DTNA: variants seen among roughly 807,000 people sequenced by gnomAD.
The protein encoded by DTNA is dystrobrevin alpha.
In DTNA, 43 loss-of-function variants were observed where a neutral mutation model predicts 100.7. The observed-to-expected ratio is 0.43, with a 90% CI of 0.33 to 0.55. The LOEUF is 0.55. Among genes scored for constraint, DTNA ranks in the 20% least tolerant of loss-of-function variants. The pLI, the probability that DTNA is intolerant of heterozygous loss-of-function variation, is 0.04. For synonymous variants in DTNA, 349 were observed against 347.9 expected, an observed-to-expected ratio of 1.00 and a Z score of -0.04; for missense variants, 798 against 953.9, an observed-to-expected ratio of 0.84 and a Z score of 2.15.
chr18:34,890,912 C>T lies in DTNA; in HGVS notation c.*3178C>T, dbSNP rs536403327. Reference sequence around the variant, plus strand: ...TGATGTCTGCTTTTATTTTGATCATCTTTGTCCACCCTTATTAGTTCTTGG... The same window carrying T: ...TGATGTCTGCTTTTATTTTGATCATTTTTGTCCACCCTTATTAGTTCTTGG... On this transcript the variant is annotated 3_prime_UTR_variant, in exon 23 of 23. Coordinates refer to ENST00000444659, the MANE Select transcript of DTNA (RefSeq NM_001386795.1). The T allele has an allele frequency of 6.4e-6, 1 of 156,650 alleles. No homozygotes were observed. The highest frequency in any genetic ancestry group is 1.9e-4 in the East Asian group (1 of 5,370). The allele number at this position is 156,650 out of a possible 1,614,324, so 9.7% of individuals were successfully genotyped here.
At chr18:34,522,777 A>C (rs1277505202) in intron 1 of DTNA, among the ~76,000 whole-genome samples, 3 of 152,190 alleles carry the variant, frequency 2.0e-5, no homozygotes, top group Non-Finnish European at 4.4e-5. Flanking sequence ...CAGACCCCTA[A>C]GAAGGCTGGC....
intron 1 of DTNA, among the ~76,000 whole-genome samples, chr18:34,712,901 A>G (rs1203492566): frequency 6.6e-6 from 1 of 152,174 alleles, no homozygotes; most frequent in East Asian, 1.9e-4. Context: ...AAAATAGTAT[A>G]GCCTCTGCTA....
At chr18:34,515,548 G>A (rs1486959579) in intron 1 of DTNA, among the ~76,000 whole-genome samples, 1 of 152,058 alleles carries the variant, frequency 6.6e-6, no homozygotes, top group Non-Finnish European at 1.5e-5. Flanking sequence ...CGATTGTATT[G>A]TGGGGCATCC....
intron 1 of DTNA, among the ~76,000 whole-genome samples, chr18:34,542,766 A>G (rs1451379361): frequency 2.0e-5 from 3 of 152,108 alleles, no homozygotes; most frequent in African/African-American, 7.2e-5. Flanking sequence ...ATTTTTAAAA[A>G]TAGAAAAGGC....
intron 1 of DTNA, among the ~76,000 whole-genome samples, chr18:34,669,960 T>G (rs113563315): frequency 6.6e-6 from 1 of 152,150 alleles, no homozygotes; most frequent in African/African-American, 2.4e-5. Flanking sequence ...TTTCCTGAAT[T>G]TGAATGTTGG....
rs368868084 is a variant in DTNA at position 34,879,709 on chromosome 18, C to T, written c.2152C>T (p.Arg718Cys). Residue 718 changes from arginine (R) to cysteine (C), a missense_variant, in exon 20 of 23, where the codon CGT becomes TGT. Coordinates refer to ENST00000444659, the MANE Select transcript of DTNA (RefSeq NM_001386795.1). Reference sequence around the variant, plus strand: ...CAGTGGAGCTACCACAAGTACCATGCGTGGCGACATGTGAGTATCTTCCGC... The same window carrying T: ...CAGTGGAGCTACCACAAGTACCATGTGTGGCGACATGTGAGTATCTTCCGC... ...IHSGATTSTM[R>C]GDMVTEDADP... is the part of the protein sequence containing the mutation. The T allele has an allele frequency of 1.5e-5, 24 of 1,613,872 alleles. No individual in the cohort carries two copies. In the South Asian group the frequency reaches 1.6e-4, roughly 11 times the overall value.
intron 1 of DTNA, among the ~76,000 whole-genome samples, chr18:34,505,336 T>G (rs2040381542): frequency 6.6e-6 from 1 of 152,198 alleles, no homozygotes; most frequent in South Asian, 2.1e-4. Context: ...TGATTACATT[T>G]AGGAGCCACC....
chr18:34,508,087 C>A (rs2040674545), intron 1 of DTNA, among the ~76,000 whole-genome samples: 1 of 152,130 alleles, frequency 6.6e-6, no homozygotes, highest in Non-Finnish European at 1.5e-5. Flanking sequence ...CAGATCTACT[C>A]CATGTCTGAT....
At chr18:34,711,397 A>G (rs939443674) in intron 1 of DTNA, among the ~76,000 whole-genome samples, 3 of 152,200 alleles carry the variant, frequency 2.0e-5, no homozygotes, top group African/African-American at 7.2e-5. Context: ...CTCTAATTTT[A>G]GCCAGGGGTT....
chr18:34,881,918 T>A, intron 20 of DTNA, 151 bp from the exon 21 acceptor site: 1 of 1,027,588 alleles, frequency 9.7e-7, no homozygotes, highest in Admixed American at 2.3e-5. Context: ...GTTTCCAAGT[T>A]TTTTTTAGGT....
chr18:34,591,291 G>T (rs1470278486), intron 1 of DTNA, among the ~76,000 whole-genome samples: 2 of 151,936 alleles, frequency 1.3e-5, no homozygotes, highest in Non-Finnish European at 2.9e-5. Flanking sequence ...ATAATATTTT[G>T]GTTAATTGCC....
At chr18:34,764,529 C>T (rs2093367684) in intron 2 of DTNA, among the ~76,000 whole-genome samples, 1 of 152,178 alleles carries the variant, frequency 6.6e-6, no homozygotes, top group South Asian at 2.1e-4. Context: ...GTCACTAAGC[C>T]TGTTTGTCAA....
chr18:34,615,966 A>G (rs1415454375), intron 1 of DTNA, among the ~76,000 whole-genome samples: 2 of 151,894 alleles, frequency 1.3e-5, no homozygotes, highest in Non-Finnish European at 2.9e-5. Flanking sequence ...TATGTTCCAC[A>G]TTTTTTTTGT....
Position 34,879,566 on chromosome 18 carries a change from C to T in DTNA, c.2009C>T (p.Thr670Ile), listed in dbSNP as rs1049158667. 6.2e-7 allele frequency: 1 copy of T among 1,613,880 alleles called. No individual in the cohort carries two copies. Among genetic ancestry groups the T allele is most frequent in the African/African-American group, 1.3e-5 (1 of 74,862 alleles). Residue 670 changes from threonine to isoleucine, a missense_variant, in exon 20 of 23, where the codon ACA becomes ATA. Thr to Ile is a moderately conservative substitution (Grantham distance 89, BLOSUM62 -1). Around this residue, in one of 6 missense-constraint regions of DTNA, gnomAD observed 242 missense variants for 238.2 expected, o/e 1.02. Transcript: ENST00000444659. ...TATCTGCTAGAGGTTGGGAGTGAAA[C>T]AGAGAGTAATGTGGATTCTGAATTT... ...KELNSEVGSE[T>I]ESNVDSEFAR...
intron 5 of DTNA, among the ~76,000 whole-genome samples, chr18:34,810,705 C>T (rs1332176927): frequency 1.3e-5 from 2 of 151,856 alleles, no homozygotes; most frequent in Admixed American, 6.6e-5. Flanking sequence ...TTGAATATTC[C>T]CAATACAAAG....
intron 3 of DTNA, among the ~76,000 whole-genome samples, chr18:34,773,371 C>T (rs1356647152): frequency 6.6e-6 from 1 of 151,938 alleles, no homozygotes; most frequent in East Asian, 1.9e-4. Context: ...AGTTTAAAGT[C>T]GGAAACACAG....
chr18:34,759,740 G>A (rs2093015570), intron 2 of DTNA, among the ~76,000 whole-genome samples: 1 of 152,168 alleles, frequency 6.6e-6, no homozygotes, highest in African/African-American at 2.4e-5. Flanking sequence ...GGAGTGCAGT[G>A]GCGCGATCTC....
intron 1 of DTNA, among the ~76,000 whole-genome samples, chr18:34,542,896 A>AAC (rs10622400): frequency 0.91 from 137,990 of 151,962 alleles, 62,657 homozygotes; most frequent in East Asian, 0.96. Context: ...CATTTTGAAA[A>AAC]ATGTATGTCC....
At chr18:34,627,148 TC>T (rs1460400865) in intron 1 of DTNA, among the ~76,000 whole-genome samples, 2 of 146,698 alleles carry the variant, frequency 1.4e-5, no homozygotes, top group African/African-American at 5.2e-5. Flanking sequence ...AGTCTGAGAG[TC>T]AAAAAAAAAA....
Sources: gnomAD v4.1 joint callset for allele counts (sites outside exome capture counted in the v4.1 genomes callset) on GRCh38, gnomAD v4.1.1 for gene constraint, gnomAD v4.1.1 regional missense constraint, MANE v1.5 for transcripts, NCBI Gene and HGNC (gene_info 2026-07-23, HGNC 2026-07-21) for gene names.